CLPX: variants seen among roughly 807,000 people sequenced by gnomAD.
CLPX encodes ATP-dependent clpX-like chaperone, mitochondrial.
Under a neutral mutation model 76.4 loss-of-function variants are expected in CLPX, and 34 were observed. The ratio of observed to expected loss-of-function variants is 0.45; its 90% CI spans 0.34 to 0.59. The LOEUF (loss-of-function observed/expected upper bound fraction) is 0.59, where lower values mean the gene tolerates loss of function less well. Among genes scored for constraint, CLPX ranks in the 20% least tolerant of loss-of-function variants. The probability of loss-of-function intolerance (pLI) is 0.01; values close to 1 mark genes in which losing one functional copy is unlikely to be tolerated. For synonymous variants in CLPX, 248 were observed against 270.9 expected (o/e 0.92, Z 0.83); for missense variants, 613 against 757.0 (o/e 0.81, Z 2.23).
At chr15:65,164,341 T>C (rs2087885897) in intron 4 of CLPX, among the ~76,000 whole-genome samples, 153 bp from the exon 5 acceptor site, 1 of 152,200 alleles carries the variant, frequency 6.6e-6, no homozygotes, top group Admixed American at 6.5e-5. Flanking sequence ...ATAGCAATGA[T>C]TCAGAGGCCC....
chr15:65,153,501 ACTCAGAC>A (rs1385937875), intron 12 of CLPX, 39 bp downstream of exon 12: 1 of 1,205,862 alleles, frequency 8.3e-7, no homozygotes, highest in Non-Finnish European at 1.2e-6. Flanking sequence ...TATACTCAAA[ACTCAGAC>A]CAAGAAATAA....
intron 9 of CLPX, 31 bp from the exon 10 acceptor site, chr15:65,155,887 A>C (rs756035702): frequency 1.9e-6 from 3 of 1,549,238 alleles, no homozygotes; most frequent in Non-Finnish European, 2.7e-6. Flanking sequence ...TTATAGCATC[A>C]CCATATAAGC....
rs543533449 is a variant in CLPX, at chr15:65,185,195, C to G, written c.-42G>C. ...CCGGGGCTTCGCCCCCTGAGGACCT[C>G]CGGGTCACAGCGGCGTGAATCCTGC... On this transcript the variant is annotated 5_prime_UTR_variant, in exon 1 of 14. Coordinates refer to ENST00000300107, the MANE Select transcript of CLPX (RefSeq NM_006660.5). The G allele has an allele frequency of 1.2e-5, 18 of 1,504,316 alleles. 2 individuals carry two copies. Among genetic ancestry groups the G allele is most frequent in the East Asian group, 2.4e-5 (1 of 40,924 alleles). The allele number at this position is 1,504,316 out of a possible 1,614,324, so 93.2% of individuals were successfully genotyped here.
chr15:65,172,368 T>C (rs1427794484), intron 3 of CLPX, among the ~76,000 whole-genome samples: 1 of 152,146 alleles, frequency 6.6e-6, no homozygotes, highest in Non-Finnish European at 1.5e-5. Context: ...CTATATTTCT[T>C]TACATAAAAT....
At chr15:65,162,162 C>T (rs1158134983) in intron 6 of CLPX, among the ~76,000 whole-genome samples, 3 of 152,076 alleles carry the variant, frequency 2.0e-5, no homozygotes, top group South Asian at 2.1e-4. Context: ...CCTTCCACAC[C>T]CTCCATCGGA....
rs142649115 is a variant in CLPX at position 65,184,134 on chromosome 15, G to T, written c.79+941C>A. Among the ~76,000 whole-genome samples the T allele has an allele frequency of 1.8e-3, 276 of 152,216 alleles. 1 individual carries two copies. The highest frequency in any genetic ancestry group is 6.4e-3 in the African/African-American group (264 of 41,516). On this transcript the variant is annotated intron_variant, in intron 1 of 13. Transcript: ENST00000300107. ...TTGGCTTAGAAGTTAGATAAAAGGGGCCTTTTTAAAAATCCATCCAAGGGT... is the reference window on the plus strand; with the variant it reads ...TTGGCTTAGAAGTTAGATAAAAGGGTCCTTTTTAAAAATCCATCCAAGGGT...
At position 65,149,607 on chromosome 15, in the gene CLPX, A is replaced by C. The variant is rs2087694777; in HGVS notation, c.*1216T>G. The C allele has an allele frequency of 4.4e-6, 2 of 450,260 alleles. No homozygotes were observed. Among genetic ancestry groups the C allele is most frequent in the Non-Finnish European group, 8.9e-6 (2 of 224,856 alleles). The allele number at this position is 450,260 out of a possible 1,614,324, so 27.9% of individuals were successfully genotyped here. On this transcript the variant is annotated 3_prime_UTR_variant, in exon 14 of 14. Coordinates refer to ENST00000300107, the MANE Select transcript of CLPX (RefSeq NM_006660.5). The stretch of plus-strand genomic sequence containing the variant: ...CCGGGTGTGGTGGCTTACGCCTGCA[A>C]TCCCAGCACTTTGGGAGGCTGAGGC...
At position 65,150,757 on chromosome 15, in the gene CLPX, T is replaced by C; in HGVS notation, c.*66A>G. 2.7e-6 allele frequency: 3 copies of C among 1,119,786 alleles called. No individual in the cohort carries two copies. Among genetic ancestry groups the C allele is most frequent in the Admixed American group, 3.8e-5 (2 of 52,498 alleles). 69.4% of individuals were successfully genotyped at this position (1,119,786 alleles called of 1,614,324 possible). A position where few individuals can be genotyped will look rare whatever the true frequency, so the allele number is the denominator to read the frequency against. ...ATCCAATGCCTTTAATATCAGACTG[T>C]AGAGACAATTATGATCCTAAACAAA... On this transcript the variant is annotated 3_prime_UTR_variant, in exon 14 of 14. Coordinates refer to ENST00000300107, the MANE Select transcript of CLPX (RefSeq NM_006660.5).
chr15:65,182,477 C>G (rs1480555665), intron 1 of CLPX, among the ~76,000 whole-genome samples: 1 of 152,054 alleles, frequency 6.6e-6, no homozygotes, highest in African/African-American at 2.4e-5. Flanking sequence ...ACTATGATTT[C>G]AAAGTAGCAA....
intron 8 of CLPX, 32 bp from the exon 9 acceptor site, chr15:65,156,964 C>A: frequency 7.0e-7 from 1 of 1,433,042 alleles, no homozygotes; most frequent in African/African-American, 1.4e-5. Flanking sequence ...ATTTATAATA[C>A]GAAAAAGATA....
intron 3 of CLPX, among the ~76,000 whole-genome samples, chr15:65,170,902 A>C (rs551734350): frequency 2.2e-4 from 30 of 136,388 alleles, no homozygotes; most frequent in Non-Finnish European, 9.2e-5. Flanking sequence ...GGCTCACTGC[A>C]ACCTCCGCCT....
At chr15:65,158,847 T>A in intron 6 of CLPX, 96 bp from the exon 7 acceptor site, 2 of 1,008,750 alleles carry the variant, frequency 2.0e-6, no homozygotes, top group Non-Finnish European at 1.4e-6. Context: ...AATATCGACA[T>A]AGAAAAATTT....
rs180685693 is a variant in CLPX, at chr15:65,157,938, T to C, written c.893-28A>G. 115 of 1,535,172 alleles carry C rather than the reference T, an allele frequency of 7.5e-5. No homozygotes were observed. The East Asian group carries it at 2.6e-3, about 35-fold the overall frequency. The stretch of plus-strand genomic sequence containing the variant: ...ACAAATAGAAACAGTCACTAAAAGT[T>C]TACTGAAAATATATTGGCACACAAT... On this transcript the variant is annotated intron_variant, in intron 7 of 13. Coordinates refer to ENST00000300107, the MANE Select transcript of CLPX (RefSeq NM_006660.5).
intron 3 of CLPX, among the ~76,000 whole-genome samples, chr15:65,170,823 T>TTC (rs780144843): frequency 1.3e-3 from 14 of 10,586 alleles, no homozygotes; most frequent in East Asian, 0.038. Flanking sequence ...TCTGTTCTTC[T>TTC]TTTTTTTTTT....
intron 3 of CLPX, among the ~76,000 whole-genome samples, chr15:65,176,174 C>T (rs2088089438): frequency 6.6e-6 from 1 of 152,190 alleles, no homozygotes; most frequent in Non-Finnish European, 1.5e-5. Flanking sequence ...ACATATACTA[C>T]TAACATACAA....
At chr15:65,161,983 C>T (rs1323041078) in intron 6 of CLPX, among the ~76,000 whole-genome samples, 1 of 152,102 alleles carries the variant, frequency 6.6e-6, no homozygotes, top group East Asian at 1.9e-4. Context: ...AATGTAAAAA[C>T]ATCAAACTTA....
intron 6 of CLPX, among the ~76,000 whole-genome samples, chr15:65,159,357 CA>C (rs2140620450): frequency 1.3e-5 from 2 of 152,250 alleles, no homozygotes; most frequent in East Asian, 3.9e-4. Flanking sequence ...CAGATTCCTA[CA>C]AAAATAAATC....
intron 3 of CLPX, among the ~76,000 whole-genome samples, chr15:65,173,606 G>A (rs528068338): frequency 1.8e-4 from 27 of 152,232 alleles, no homozygotes; most frequent in Admixed American, 1.4e-3. Context: ...AGATGTTCAC[G>A]GGAGCATTAT....
intron 3 of CLPX, among the ~76,000 whole-genome samples, chr15:65,171,530 T>A (rs1299931524): frequency 1.3e-5 from 2 of 152,142 alleles, no homozygotes; most frequent in Non-Finnish European, 2.9e-5. Context: ...TATTTGCTGA[T>A]CACGTATAAA....
Sources: gnomAD v4.1 joint callset for allele counts (sites outside exome capture counted in the v4.1 genomes callset) on GRCh38, gnomAD v4.1.1 for gene constraint, MANE v1.5 for transcripts, NCBI Gene and HGNC (gene_info 2026-07-23, HGNC 2026-07-21) for gene names.